CNTNAP2: variants seen among roughly 807,000 people sequenced by gnomAD.
CNTNAP2 encodes the protein contactin-associated protein-like 2.
CNTNAP2 carries 98 observed loss-of-function variants against 155.2 expected under a neutral mutation model. The ratio of observed to expected loss-of-function variants is 0.63; its 90% CI spans 0.54 to 0.75. CNTNAP2 has a LOEUF of 0.75. CNTNAP2 is among the 30% of genes least tolerant of loss of function. The probability of loss-of-function intolerance (pLI) is 0.00; values close to 1 mark genes in which losing one functional copy is unlikely to be tolerated. For missense variants in CNTNAP2, 1,727 were observed against 1,688.1 expected (o/e 1.02, Z -0.40); for synonymous variants, 651 against 631.2 (o/e 1.03, Z -0.47).
At chr7:146,250,380 C>T (rs1799737367) in intron 1 of CNTNAP2, among the ~76,000 whole-genome samples, 1 of 152,122 alleles carries the variant, frequency 6.6e-6, no homozygotes. Context: ...TCCCATTCAC[C>T]ACTGCACTGA....
chr7:147,094,833 A>C lies in CNTNAP2; in HGVS notation c.551-13314A>C, dbSNP rs1330204000. On this transcript the variant is annotated intron_variant, in intron 4 of 23. Coordinates refer to ENST00000361727, the MANE Select transcript of CNTNAP2 (RefSeq NM_014141.6). The stretch of plus-strand genomic sequence containing the variant: ...GTCTTAGTCTGTTTGGCCTGCTATA[A>C]CAGAATAATATAAACTAGATAGCTT... Among the ~76,000 whole-genome samples the C allele has an allele frequency of 2.6e-5, 4 of 152,180 alleles. No homozygotes were observed. The East Asian group carries it at 7.7e-4, about 29-fold the overall frequency.
intron 8 of CNTNAP2, among the ~76,000 whole-genome samples, chr7:147,160,912 T>G (rs1402267397): frequency 1.3e-5 from 2 of 152,272 alleles, no homozygotes; most frequent in East Asian, 3.9e-4. Flanking sequence ...CTAAAGACTT[T>G]TTCTTGCTTA....
At chr7:146,906,562 G>T (rs1006380168) in intron 3 of CNTNAP2, among the ~76,000 whole-genome samples, 160 of 151,850 alleles carry the variant, frequency 1.1e-3, no homozygotes, top group African/African-American at 3.5e-3. Context: ...CACACAGCAG[G>T]GTATTCCAAC....
At chr7:146,347,340 A>G (rs1227129782) in intron 1 of CNTNAP2, among the ~76,000 whole-genome samples, 2 of 152,152 alleles carry the variant, frequency 1.3e-5, no homozygotes, top group African/African-American at 4.8e-5. Flanking sequence ...CAGTCTCACC[A>G]TAAGTCCTAA....
At chr7:146,915,275 G>A (rs1041046663) in intron 3 of CNTNAP2, among the ~76,000 whole-genome samples, 8 of 152,026 alleles carry the variant, frequency 5.3e-5, no homozygotes, top group Non-Finnish European at 1.0e-4. Context: ...TTTTCACTTA[G>A]TCTTGCTTTG....
intron 4 of CNTNAP2, among the ~76,000 whole-genome samples, chr7:147,100,570 CAAAT>C (rs1365378641): frequency 1.3e-5 from 2 of 152,114 alleles, no homozygotes; most frequent in Non-Finnish European, 2.9e-5. Context: ...GACTTATAAA[CAAAT>C]AACTCCAGTG....
intron 8 of CNTNAP2, among the ~76,000 whole-genome samples, chr7:147,243,436 T>G (rs563570919): frequency 6.6e-6 from 1 of 152,150 alleles, no homozygotes; most frequent in Non-Finnish European, 1.5e-5. Flanking sequence ...TCCTCCCCCA[T>G]CATTCCCAAT....
At chr7:148,035,494 G>C (rs1050278976) in intron 15 of CNTNAP2, among the ~76,000 whole-genome samples, 5 of 152,206 alleles carry the variant, frequency 3.3e-5, no homozygotes, top group Admixed American at 2.6e-4. Context: ...CCCAGGTGCA[G>C]CTGGTGCTGG....
At chr7:147,440,603 T>C (rs1020141406) in intron 10 of CNTNAP2, among the ~76,000 whole-genome samples, 3 of 152,202 alleles carry the variant, frequency 2.0e-5, no homozygotes, top group Admixed American at 1.3e-4. Flanking sequence ...CATTCTTTTC[T>C]TTCTGATTGA....
intron 15 of CNTNAP2, among the ~76,000 whole-genome samples, chr7:148,018,691 C>T (rs916439603): frequency 1.3e-5 from 2 of 152,170 alleles, no homozygotes; most frequent in African/African-American, 2.4e-5. Context: ...ACAGGTATCC[C>T]GGAGCACCTC....
intron 10 of CNTNAP2, among the ~76,000 whole-genome samples, chr7:147,462,084 G>A (rs756081891): frequency 3.5e-5 from 5 of 144,914 alleles, no homozygotes; most frequent in African/African-American, 5.4e-5. Context: ...CACTGCTCTC[G>A]TGACCCAGAG....
intron 13 of CNTNAP2, among the ~76,000 whole-genome samples, chr7:147,818,786 A>C (rs851659): frequency 0.71 from 107,340 of 152,028 alleles, 38,066 homozygotes; most frequent in Middle Eastern, 0.81. Context: ...AAATAAAAAG[A>C]AATTAACAAA....
intron 18 of CNTNAP2, among the ~76,000 whole-genome samples, chr7:148,215,931 A>C: frequency 6.6e-6 from 1 of 152,214 alleles, no homozygotes; most frequent in East Asian, 1.9e-4. Context: ...TCTCCCATTA[A>C]TTATAACGTA....
chr7:147,062,352 A>C (rs752675915), intron 4 of CNTNAP2, among the ~76,000 whole-genome samples: 1 of 152,028 alleles, frequency 6.6e-6, no homozygotes, highest in Admixed American at 6.6e-5. Flanking sequence ...AGAATTATTC[A>C]CAATGTCATT....
intron 1 of CNTNAP2, among the ~76,000 whole-genome samples, chr7:146,241,839 A>AAC (rs145823085): frequency 0.097 from 14,707 of 151,258 alleles, 1,915 homozygotes; most frequent in African/African-American, 0.3. Context: ...CACACACACA[A>AAC]ACACACACGC....
At chr7:148,175,277 T>C (rs1794914286) in intron 18 of CNTNAP2, among the ~76,000 whole-genome samples, 1 of 152,202 alleles carries the variant, frequency 6.6e-6, no homozygotes, top group Non-Finnish European at 1.5e-5. Flanking sequence ...TGCACAATGA[T>C]GTATTTCCTC....
At chr7:148,061,351 ATTTTTTATTATTTATTTT>A (rs1403093660) in intron 15 of CNTNAP2, among the ~76,000 whole-genome samples, 1 of 151,092 alleles carries the variant, frequency 6.6e-6, no homozygotes, top group Non-Finnish European at 1.5e-5. Flanking sequence ...CACTTTTTAA[ATTTTTTATTATTTATTTT>A]TTGAGACAGA....
chr7:147,947,106 T>A (rs1338247734), intron 14 of CNTNAP2, among the ~76,000 whole-genome samples: 2 of 152,116 alleles, frequency 1.3e-5, no homozygotes, highest in African/African-American at 4.8e-5. Flanking sequence ...TGAGCTTCAC[T>A]GTAATCAAAG....
intron 10 of CNTNAP2, among the ~76,000 whole-genome samples, chr7:147,430,252 A>G (rs1049010223): frequency 6.6e-6 from 1 of 152,218 alleles, no homozygotes; most frequent in African/African-American, 2.4e-5. Context: ...TTTAGCTAGA[A>G]GAAGTTTCTG....
Sources: gnomAD v4.1 joint callset for allele counts (sites outside exome capture counted in the v4.1 genomes callset) on GRCh38, gnomAD v4.1.1 for gene constraint, MANE v1.5 for transcripts, NCBI Gene and HGNC (gene_info 2026-07-23, HGNC 2026-07-21) for gene names.